PKP1: variants seen among roughly 807,000 people sequenced by gnomAD.
The protein encoded by PKP1 is plakophilin 1.
In PKP1, 27 loss-of-function variants were observed where a neutral mutation model predicts 76.4. The observed-to-expected ratio is 0.35, with a 90% confidence interval of 0.26 to 0.49. The LOEUF is 0.49. Among genes scored for constraint, PKP1 ranks in the 20% least tolerant of loss-of-function variants. The pLI is 0.99. For missense variants in PKP1, 964 were observed against 955.2 expected, an observed-to-expected ratio of 1.01 and a Z score of -0.12; for synonymous variants, 404 against 384.2, an observed-to-expected ratio of 1.05 and a Z score of -0.60.
chr1:201,325,184 G>T, intron 11 of PKP1, 57 bp downstream of exon 11: 1 of 1,554,728 alleles, frequency 6.4e-7, no homozygotes, highest in Non-Finnish European at 8.8e-7. Context: ...TCCTCACCCT[G>T]CACAGCAGGA....
At chr1:201,317,464 G>A (rs1018088148) in intron 4 of PKP1, 108 bp from the exon 5 acceptor site, 22 of 906,570 alleles carry the variant, frequency 2.4e-5, no homozygotes, top group Non-Finnish European at 3.5e-5. Context: ...GAATATTTCT[G>A]AACTGATAGA....
intron 3 of PKP1, 96 bp from the exon 4 acceptor site, chr1:201,316,457 G>A (rs1225827126): frequency 1.5e-6 from 2 of 1,333,906 alleles, no homozygotes; most frequent in African/African-American, 1.5e-5. Context: ...GGGCAGATGA[G>A]GCTGTGGCAG....
chr1:201,289,559 C>T (rs939038385), intron 1 of PKP1, among the ~76,000 whole-genome samples: 1 of 152,114 alleles, frequency 6.6e-6, no homozygotes, highest in African/African-American at 2.4e-5. Flanking sequence ...TCCTGAGAGC[C>T]TTCTCTATGT....
At chr1:201,320,229 C>T (rs1656893840) in intron 6 of PKP1, 38 bp from the exon 7 acceptor site, 4 of 1,335,730 alleles carry the variant, frequency 3.0e-6, no homozygotes, top group Admixed American at 1.7e-5. Context: ...CTCTCTTCCC[C>T]CTTTCTCTGC....
intron 2 of PKP1, 34 bp from the exon 3 acceptor site, chr1:201,313,132 C>T (rs374992083): frequency 6.9e-6 from 11 of 1,605,582 alleles, no homozygotes; most frequent in Middle Eastern, 3.3e-4. Context: ...CATTTAGGAA[C>T]CTTGACTGAG....
Position 201,321,972 on chromosome 1 carries a change from C to T in PKP1, c.1348-6C>T. On this transcript the variant is annotated splice_region_variant and splice_polypyrimidine_tract_variant and intron_variant, in intron 7 of 13. Transcript: ENST00000367324. ...GCTCAGGCCCATGCCTCTCCTTGGT[C>T]CCCAGTCTGTGGAAAACTGCATGTG... The T allele has an allele frequency of 6.2e-7, 1 of 1,613,944 alleles. No homozygotes were observed. Among genetic ancestry groups the T allele is most frequent in the East Asian group, 2.2e-5 (1 of 44,886 alleles).
chr1:201,322,976 TCCCCATTGA>T (rs751079579), intron 8 of PKP1, 28 bp from the exon 9 acceptor site: 2 of 1,605,058 alleles, frequency 1.2e-6, no homozygotes, highest in Non-Finnish European at 1.7e-6. Flanking sequence ...CTCACAAGGC[TCCCCATTGA>T]CCCCCCTGAC....
chr1:201,290,637 C>G (rs1655890069), intron 1 of PKP1, among the ~76,000 whole-genome samples: 1 of 152,118 alleles, frequency 6.6e-6, no homozygotes, highest in African/African-American at 2.4e-5. Flanking sequence ...CTCTAAGCAC[C>G]AGGCATCAGA....
Position 201,328,826 on chromosome 1 carries a change from C to T in PKP1, c.2171C>T (p.Ser724Phe). Residue 724 changes from serine to phenylalanine, a missense_variant, in exon 13 of 14, where the codon TCC becomes TTC. Coordinates refer to ENST00000367324, the MANE Select transcript of PKP1 (RefSeq NM_001005337.3). Reference sequence around the variant, plus strand: ...GCCAACAGCCTCAGGAACTTCACCTCCCGATTCTAAGAAGAGACTGTCCAA... The same window carrying T: ...GCCAACAGCCTCAGGAACTTCACCTTCCGATTCTAAGAAGAGACTGTCCAA... ...AGANSLRNFT[S>F]RF 6.2e-7 allele frequency: 1 copy of T among 1,613,838 alleles called. No individual in the cohort carries two copies. Among genetic ancestry groups the T allele is most frequent in the Middle Eastern group, 1.6e-4 (1 of 6,062 alleles).
intron 3 of PKP1, 118 bp from the exon 4 acceptor site, chr1:201,316,435 T>G: frequency 9.1e-7 from 1 of 1,103,356 alleles, no homozygotes. Context: ...TGCCTTGTTC[T>G]GGCTCTCCAG....
intron 2 of PKP1, among the ~76,000 whole-genome samples, chr1:201,310,036 A>C (rs1312761283): frequency 6.6e-6 from 1 of 152,172 alleles, no homozygotes; most frequent in African/African-American, 2.4e-5. Flanking sequence ...CGGGGCTCTG[A>C]TACTGGTGCA....
At chr1:201,309,883 C>T (rs745507109) in intron 2 of PKP1, among the ~76,000 whole-genome samples, 9 of 152,212 alleles carry the variant, frequency 5.9e-5, no homozygotes, top group East Asian at 3.8e-4. Flanking sequence ...CCTCAGGTGC[C>T]GACAGCACCC....
intron 12 of PKP1, among the ~76,000 whole-genome samples, chr1:201,327,281 AGGGAAGCCTG>A (rs1657155642): frequency 6.6e-6 from 1 of 152,206 alleles, no homozygotes; most frequent in Non-Finnish European, 1.5e-5. Context: ...GATGGAGGAC[AGGGAAGCCTG>A]GGGATTGGTT....
intron 6 of PKP1, among the ~76,000 whole-genome samples, chr1:201,319,478 G>A (rs1296716727): frequency 2.0e-5 from 3 of 152,194 alleles, no homozygotes; most frequent in African/African-American, 7.2e-5. Context: ...AGAGTGGTGG[G>A]TGCAGCTGGC....
chr1:201,286,093 C>T (rs533399481), intron 1 of PKP1, among the ~76,000 whole-genome samples: 1 of 152,210 alleles, frequency 6.6e-6, no homozygotes, highest in Non-Finnish European at 1.5e-5. Context: ...AACACCCAAA[C>T]GTCCCCTATT....
chr1:201,320,158 C>A, intron 6 of PKP1, 109 bp from the exon 7 acceptor site: 1 of 760,848 alleles, frequency 1.3e-6, no homozygotes, highest in South Asian at 1.5e-5. Context: ...CCTCCCCTCT[C>A]CTGCCTGTTC....
At chr1:201,306,878 T>A (rs1656385918) in intron 2 of PKP1, among the ~76,000 whole-genome samples, 1 of 152,166 alleles carries the variant, frequency 6.6e-6, no homozygotes, top group Non-Finnish European at 1.5e-5. Flanking sequence ...GAGATGGGGT[T>A]TCATCGTGGT....
chr1:201,299,272 G>A (rs971012006), intron 2 of PKP1, among the ~76,000 whole-genome samples: 2 of 152,176 alleles, frequency 1.3e-5, no homozygotes, highest in African/African-American at 4.8e-5. Flanking sequence ...CTCTAGTCAA[G>A]TTCTTAATCT....
intron 12 of PKP1, 28 bp downstream of exon 12, chr1:201,325,866 T>G: frequency 6.4e-7 from 1 of 1,558,346 alleles, no homozygotes; most frequent in East Asian, 2.2e-5. Flanking sequence ...CATCCTCTTC[T>G]GAGGTTCTTC....
Sources: gnomAD v4.1 joint callset for allele counts (sites outside exome capture counted in the v4.1 genomes callset) on GRCh38, gnomAD v4.1.1 for gene constraint, MANE v1.5 for transcripts, NCBI Gene and HGNC (gene_info 2026-07-23, HGNC 2026-07-21) for gene names.